The following UBR2 variants were observed in gnomAD, a reference collection of about 807,000 sequenced individuals.
UBR2 encodes E3 ubiquitin-protein ligase UBR2.
In UBR2, 92 loss-of-function variants were observed where a neutral mutation model predicts 247.9. The ratio of observed to expected loss-of-function variants is 0.37; its 90% confidence interval spans 0.31 to 0.44. The LOEUF (loss-of-function observed/expected upper bound fraction) is 0.44, where lower values mean the gene tolerates loss of function less well. Among genes scored for constraint, UBR2 ranks in the 20% least tolerant of loss-of-function variants. The pLI is 1.00. For missense variants in UBR2, 1,613 were observed against 2,112.6 expected (o/e 0.76, Z 4.64); for synonymous variants, 672 against 693.5 (o/e 0.97, Z 0.49).
At chr6:42,617,765 T>C (rs1254603551) in intron 11 of UBR2, among the ~76,000 whole-genome samples, 1 of 152,236 alleles carries the variant, frequency 6.6e-6, no homozygotes, top group Non-Finnish European at 1.5e-5. Flanking sequence ...CAATTTTTCA[T>C]AGTACTTCCC....
At chr6:42,688,802 G>A in intron 45 of UBR2, among the ~76,000 whole-genome samples, 1 of 152,208 alleles carries the variant, frequency 6.6e-6, no homozygotes, top group East Asian at 1.9e-4. Flanking sequence ...ACCAGGCATT[G>A]AGGATGCAGT....
chr6:42,610,577 C>T lies in UBR2; in HGVS notation c.865-1594C>T, dbSNP rs557731085. ...GAACATTATGCTAAGTGAAATAAGC[C>T]GGTAACAAAAAGATAAATAGCATAT... On this transcript the variant is annotated intron_variant, in intron 7 of 46. Coordinates refer to ENST00000372901, the MANE Select transcript of UBR2 (RefSeq NM_001363705.2). Among the ~76,000 whole-genome samples the T allele has an allele frequency of 8.5e-5, 13 of 152,068 alleles. No individual in the cohort carries two copies. In the East Asian group the frequency reaches 1.9e-3, roughly 23 times the overall value.
At chr6:42,619,891 C>T (rs1380589676) in intron 11 of UBR2, 1 of 832,176 alleles carries the variant, frequency 1.2e-6, no homozygotes, top group African/African-American at 1.9e-5. Flanking sequence ...CTAGTCTTAA[C>T]ATTTTTAAAT....
At chr6:42,617,046 C>T (rs571071590) in intron 10 of UBR2, among the ~76,000 whole-genome samples, 7 of 152,240 alleles carry the variant, frequency 4.6e-5, no homozygotes, top group African/African-American at 1.4e-4. Flanking sequence ...AAGAAAGAAT[C>T]GATATTTATA....
chr6:42,572,609 G>A (rs112952341), intron 1 of UBR2, among the ~76,000 whole-genome samples: 3,349 of 151,912 alleles, frequency 0.022, 115 homozygotes, highest in African/African-American at 0.076. Context: ...TGGGTAGTGA[G>A]CATAGTACCC....
rs146653824 is a variant in UBR2, at chr6:42,652,504, G to A, written c.2628G>A (p.Pro876=). 54 of 1,606,070 alleles carry A rather than the reference G, an allele frequency of 3.4e-5. No homozygotes were observed. Among genetic ancestry groups the A allele is most frequent in the Non-Finnish European group, 4.2e-5 (49 of 1,178,288 alleles). The part of the protein sequence containing the change: ...QNREDTALPP[P]VLPPFCPLFA... ...CTGTATTTTCAGCACTCCCACCTCCGGTGTTGCCTCCATTCTGCCCTCTGT... is the reference window on the plus strand; with the variant it reads ...CTGTATTTTCAGCACTCCCACCTCCAGTGTTGCCTCCATTCTGCCCTCTGT... Residue 876 remains proline (P), a synonymous_variant, in exon 25 of 47, where the codon CCG becomes CCA. Coordinates refer to ENST00000372901, the MANE Select transcript of UBR2 (RefSeq NM_001363705.2).
chr6:42,687,610 G>A (rs908812525), intron 44 of UBR2, among the ~76,000 whole-genome samples: 1 of 151,992 alleles, frequency 6.6e-6, no homozygotes. Flanking sequence ...GTGTGATCTT[G>A]GCTCACAGCA....
chr6:42,669,368 C>A (rs779804152), intron 34 of UBR2, among the ~76,000 whole-genome samples: 16 of 152,136 alleles, frequency 1.1e-4, no homozygotes, highest in Non-Finnish European at 1.6e-4. Context: ...TCTGAACATT[C>A]ATGTCCTTCA....
chr6:42,604,165 CTG>C (rs1391234515), intron 5 of UBR2, among the ~76,000 whole-genome samples: 2 of 152,176 alleles, frequency 1.3e-5, no homozygotes, highest in Non-Finnish European at 2.9e-5. Context: ...GTATTCCACA[CTG>C]TGCTTTTCTA....
At position 42,564,115 on chromosome 6, in the gene UBR2, T is replaced by G. The variant is rs1790633471; in HGVS notation, c.-205T>G. 19 of 580,516 alleles carry G rather than the reference T, an allele frequency of 3.3e-5. No homozygotes were observed. The South Asian group carries it at 4.0e-4, about 12-fold the overall frequency. 36.0% of individuals were successfully genotyped at this position (580,516 alleles called of 1,614,324 possible). The stretch of plus-strand genomic sequence containing the variant: ...AGCCAGTGACTTGACTCTTGGGCGC[T>G]AAGCTTGGGAGGGAGCGCAGGAGGC... On this transcript the variant is annotated 5_prime_UTR_variant, in exon 1 of 47. Transcript: ENST00000372901.
Position 42,689,531 on chromosome 6 carries a change from A to T in UBR2, c.5025-38A>T, listed in dbSNP as rs1296378870. ...AACTGAATACAAATGTTGGTTACTAATGTGTAAATGTGTAACGTATGACTG... is the reference window on the plus strand; with the variant it reads ...AACTGAATACAAATGTTGGTTACTATTGTGTAAATGTGTAACGTATGACTG... On this transcript the variant is annotated intron_variant, in intron 45 of 46. Coordinates refer to ENST00000372901, the MANE Select transcript of UBR2 (RefSeq NM_001363705.2). This position sits in a 1 kb window ranked among gnomAD's most constrained non-coding sequence, Gnocchi z 4.0. 1.9e-6 allele frequency: 3 copies of T among 1,564,588 alleles called. No individual in the cohort carries two copies. In the African/African-American group the frequency reaches 4.1e-5, roughly 21 times the overall value.
intron 44 of UBR2, among the ~76,000 whole-genome samples, chr6:42,685,368 T>C (rs1335806959): frequency 6.6e-6 from 1 of 151,300 alleles, no homozygotes; most frequent in African/African-American, 2.4e-5. Flanking sequence ...AAGCATCATT[T>C]CACTATGTTT....
chr6:42,584,795 A>G (rs1043669478), intron 2 of UBR2, among the ~76,000 whole-genome samples: 1 of 151,982 alleles, frequency 6.6e-6, no homozygotes, highest in African/African-American at 2.4e-5. Context: ...GTGTCCGTTT[A>G]TTTTCTGCCA....
chr6:42,672,411 CTT>C (rs1162079361), intron 36 of UBR2, among the ~76,000 whole-genome samples: 2 of 152,020 alleles, frequency 1.3e-5, no homozygotes, highest in East Asian at 3.9e-4. Context: ...CCTTCTTCTA[CTT>C]GTTTGGTTCA....
Position 42,632,693 on chromosome 6 carries a change from C to T in UBR2, c.1423C>T (p.Gln475Ter). ...ACAAGCCTTCAAATTTAGGAGAGTACAGAGCCTTATTTTAGATCTCAAGTA... is the reference window on the plus strand; with the variant it reads ...ACAAGCCTTCAAATTTAGGAGAGTATAGAGCCTTATTTTAGATCTCAAGTA... ...ALQAFKFRRV[Q>*]SLILDLKYVL... The change falls in exon 12 of 47, where the codon CAG (glutamine) becomes TAG (stop). Residue 475 changes from glutamine to a stop codon, truncating the protein, a stop_gained. Coordinates refer to ENST00000372901, the MANE Select transcript of UBR2 (RefSeq NM_001363705.2). LOFTEE classifies it high-confidence loss of function. 6.2e-7 allele frequency: 1 copy of T among 1,602,568 alleles called. No homozygotes were observed. The highest frequency in any genetic ancestry group is 8.5e-7 in the Non-Finnish European group (1 of 1,176,444).
chr6:42,635,651 C>T, intron 14 of UBR2, 105 bp downstream of exon 14: 1 of 1,347,028 alleles, frequency 7.4e-7, no homozygotes, highest in Non-Finnish European at 1.0e-6. Context: ...AGTGGTGATA[C>T]TTAGTTCATT....
chr6:42,586,538 CTTTTTTTT>C (rs147830824), intron 2 of UBR2, among the ~76,000 whole-genome samples: 12 of 97,256 alleles, frequency 1.2e-4, no homozygotes, highest in Non-Finnish European at 2.1e-4. Context: ...GTTTGTCTCT[CTTTTTTTT>C]TTTTTTTTTT....
chr6:42,598,559 T>A (rs887744949), intron 4 of UBR2, among the ~76,000 whole-genome samples: 4 of 152,158 alleles, frequency 2.6e-5, no homozygotes, highest in Non-Finnish European at 5.9e-5. Context: ...GGTTTGCAAA[T>A]GGCCCCTTGG....
At chr6:42,641,055 T>C (rs1414823235) in intron 16 of UBR2, among the ~76,000 whole-genome samples, 1 of 152,176 alleles carries the variant, frequency 6.6e-6, no homozygotes, top group Non-Finnish European at 1.5e-5. Flanking sequence ...GTTAATCATG[T>C]GTAAAAAATA....
Sources: allele counts gnomAD v4.1 joint callset (sites outside exome capture counted in the v4.1 genomes callset), GRCh38; gene constraint gnomAD v4.1.1; non-coding constraint Gnocchi (gnomAD v3.1); transcripts MANE v1.5; gene names NCBI Gene and HGNC (gene_info 2026-07-23, HGNC 2026-07-21).